Variants in RBFOX2 observed in about 807,000 individuals in gnomAD.
The protein encoded by RBFOX2 is RNA binding fox-1 homolog 2.
In RBFOX2, 10 loss-of-function variants were observed where a neutral mutation model predicts 49.1. That is an observed-to-expected ratio of 0.20 (90% CI 0.13 to 0.35). The LOEUF is 0.35. Among genes scored for constraint, RBFOX2 ranks in the 10% least tolerant of loss-of-function variants. The pLI is 1.00. For missense variants in RBFOX2, 323 were observed against 486.9 expected (o/e 0.66, Z 3.17); for synonymous variants, 183 against 187.4 (o/e 0.98, Z 0.19).
At chr22:35,899,338 A>C (rs2048288384) in intron 1 of RBFOX2, among the ~76,000 whole-genome samples, 1 of 152,190 alleles carries the variant, frequency 6.6e-6, no homozygotes, top group South Asian at 2.1e-4. Flanking sequence ...GAACCACCAT[A>C]AACTTCTTTG....
intron 1 of RBFOX2, among the ~76,000 whole-genome samples, chr22:35,957,117 A>G (rs2055656070): frequency 1.3e-5 from 2 of 152,208 alleles, no homozygotes; most frequent in African/African-American, 4.8e-5. Flanking sequence ...ACACTGATCT[A>G]CGTCTCTGGT....
At chr22:35,956,572 G>C (rs1281316235) in intron 1 of RBFOX2, among the ~76,000 whole-genome samples, 2 of 152,070 alleles carry the variant, frequency 1.3e-5, no homozygotes, top group Non-Finnish European at 2.9e-5. Flanking sequence ...ATGTTGGCCA[G>C]GATGGTCTCG....
intron 1 of RBFOX2, among the ~76,000 whole-genome samples, chr22:35,953,998 C>T (rs537989741): frequency 1.3e-5 from 2 of 152,258 alleles, no homozygotes; most frequent in Non-Finnish European, 2.9e-5. Flanking sequence ...TTAGCCCTTC[C>T]TTTCAATGGA....
upstream of RBFOX2, among the ~76,000 whole-genome samples, chr22:35,966,339 G>C (rs2056557539): frequency 1.3e-5 from 2 of 152,138 alleles, no homozygotes; most frequent in South Asian, 4.1e-4. Flanking sequence ...ATACATTTCG[G>C]TTGGGTATGC....
chr22:35,958,340 T>C lies in RBFOX2; in HGVS notation c.42+3223A>G, dbSNP rs984105244. On this transcript the variant is annotated intron_variant, in intron 1 of 5. Transcript: ENST00000408983. ...CTACACCTTGCAAGGATGTTAAGTT[T>C]AGGCACAAGGTATACAAAGCACCTG... Among the ~76,000 whole-genome samples the C allele has an allele frequency of 8.4e-4, 128 of 152,356 alleles. 1 individual carries two copies. The highest frequency in any genetic ancestry group is 3.4e-4 in the Non-Finnish European group (23 of 68,036).
At chr22:35,800,217 A>G (rs1219565220) in intron 2 of RBFOX2, among the ~76,000 whole-genome samples, 1 of 152,164 alleles carries the variant, frequency 6.6e-6, no homozygotes, top group African/African-American at 2.4e-5. Context: ...TTCTACCTTC[A>G]TAATGTCTCC....
chr22:35,840,401 C>T, exon 1 of RBFOX2: 2 of 1,497,798 alleles, frequency 1.3e-6, no homozygotes, highest in East Asian at 2.3e-5. Flanking sequence ...CTCTTCCTCT[C>T]TGGCAGTCTC....
At chr22:36,014,605 G>A (rs1277061868) in intron 1 of RBFOX2, among the ~76,000 whole-genome samples, 1 of 151,912 alleles carries the variant, frequency 6.6e-6, no homozygotes, top group Non-Finnish European at 1.5e-5. Context: ...AATCCAAAAG[G>A]GGTAAATGAT....
chr22:35,986,936 T>G (rs111927669), intron 1 of RBFOX2, among the ~76,000 whole-genome samples: 1 of 151,554 alleles, frequency 6.6e-6, no homozygotes, highest in Non-Finnish European at 1.5e-5. Context: ...CACTGGAAAA[T>G]AGAGTTTTGT....
intron 7 of RBFOX2, 51 bp from the exon 9 acceptor site, chr22:35,761,345 C>G: frequency 6.2e-7 from 1 of 1,612,502 alleles, no homozygotes; most frequent in Non-Finnish European, 8.5e-7. Flanking sequence ...AAAAAGGAGT[C>G]ACAAATTGAA....
At chr22:35,898,384 G>T in intron 1 of RBFOX2, 1 of 598,470 alleles carries the variant, frequency 1.7e-6, no homozygotes, top group South Asian at 1.8e-5. Flanking sequence ...AGACAACCCG[G>T]GATTGTGCAG....
chr22:35,867,729 C>T (rs950121165), intron 1 of RBFOX2, among the ~76,000 whole-genome samples: 4 of 152,152 alleles, frequency 2.6e-5, no homozygotes, highest in African/African-American at 9.7e-5. Context: ...GGGCTCCCAT[C>T]TTCCATTTGA....
intron 1 of RBFOX2, among the ~76,000 whole-genome samples, chr22:35,915,942 GCTCCGTATGC>G (rs2050358788): frequency 6.6e-6 from 1 of 152,172 alleles, no homozygotes; most frequent in Non-Finnish European, 1.5e-5. Flanking sequence ...AGTGGCAGAG[GCTCCGTATGC>G]CTCCTCTTTG....
chr22:35,893,919 T>C (rs922897728), intron 1 of RBFOX2, among the ~76,000 whole-genome samples: 2 of 151,952 alleles, frequency 1.3e-5, no homozygotes, highest in African/African-American at 4.8e-5. Context: ...TCTAGTAGGC[T>C]CCCTTAGCAA....
At chr22:35,761,362 C>T in intron 7 of RBFOX2, 53 bp downstream of exon 8, 3 of 1,611,610 alleles carry the variant, frequency 1.9e-6, no homozygotes, top group South Asian at 1.1e-5. Context: ...TGAAAAACAG[C>T]AGATGCTATT....
In RBFOX2 at chr22:35,858,591, C is replaced by T. The variant is rs184401793; in HGVS notation, c.-33-48587G>A. On this transcript the variant is annotated intron_variant, in intron 1 of 13. Coordinates refer to the RBFOX2 transcript ENST00000359369. The stretch of plus-strand genomic sequence containing the variant: ...CTGTAATCCCAGCACTTTAGGAAGT[C>T]GAGGTGGGTGGATCATTTGAAGTCA... 4.5e-4 allele frequency among the ~76,000 whole-genome samples: 69 copies of T among 152,094 alleles called. No homozygotes were observed. The East Asian group carries it at 7.5e-3, about 17-fold the overall frequency.
At chr22:36,017,241 T>C (rs6000064) in intron 1 of RBFOX2, among the ~76,000 whole-genome samples, 1 of 152,112 alleles carries the variant, frequency 6.6e-6, no homozygotes, top group African/African-American at 2.4e-5. Context: ...CATAAAAACA[T>C]GTTACAGTGC....
chr22:35,854,160 C>T (rs777590493), intron 1 of RBFOX2, among the ~76,000 whole-genome samples: 11 of 151,902 alleles, frequency 7.2e-5, no homozygotes, highest in Non-Finnish European at 1.3e-4. Context: ...TGCAGTGAGC[C>T]GAGACTGTGC....
At chr22:35,862,835 CT>C (rs1216988057) in intron 1 of RBFOX2, among the ~76,000 whole-genome samples, 1 of 152,174 alleles carries the variant, frequency 6.6e-6, no homozygotes, top group Admixed American at 6.5e-5. Context: ...TCTCATGGGG[CT>C]GCTGTGATGA....
Sources: allele counts gnomAD v4.1 joint callset (sites outside exome capture counted in the v4.1 genomes callset), GRCh38; gene constraint gnomAD v4.1.1; transcripts MANE v1.5; gene names NCBI Gene and HGNC (gene_info 2026-07-23, HGNC 2026-07-21).